Variants in FAM186A observed in about 807,000 individuals in gnomAD.
FAM186A encodes protein FAM186A.
Under a neutral mutation model 216.8 loss-of-function variants are expected in FAM186A, and 163 were observed. The observed-to-expected ratio is 0.75, with a 90% CI of 0.66 to 0.86. The LOEUF (loss-of-function observed/expected upper bound fraction) is 0.86. FAM186A is among the 40% of genes least tolerant of loss of function. The probability of loss-of-function intolerance (pLI) is 0.00; values close to 1 mark genes in which losing one functional copy is unlikely to be tolerated. For missense variants in FAM186A, 2,184 were observed against 2,746.2 expected, an observed-to-expected ratio of 0.80 and a Z score of 4.58; for synonymous variants, 805 against 1,025.3, an observed-to-expected ratio of 0.79 and a Z score of 4.10.
Position 50,351,029 on chromosome 12 carries a change from A to C in FAM186A, c.5803T>G (p.Trp1935Gly). 6.4e-7 allele frequency: 1 copy of C among 1,551,350 alleles called. No individual in the cohort carries two copies. The highest frequency in any genetic ancestry group is 8.7e-7 in the Non-Finnish European group (1 of 1,146,880). The change falls in exon 4 of 8, where the codon TGG becomes GGG. Residue 1935 changes from tryptophan (W) to glycine (G), a missense_variant. Transcript: ENST00000327337. ...PPTSRHPPTL[W>G]PSPAPGKPQK... ...GGCTTTCCAGGGGCTGGGGACGGCC[A>C]TAGTGTGGGAGGATGTCTAGAGGTG... is the stretch of plus-strand genomic sequence containing the variant.
chr12:50,363,492 T>C (rs573634348), intron 1 of FAM186A, 128 bp from the exon 2 acceptor site: 4 of 843,504 alleles, frequency 4.7e-6, no homozygotes, highest in African/African-American at 3.4e-5. Context: ...AATTCTAGCT[T>C]TTATTGTGAG....
rs71083540 is a variant in FAM186A, at chr12:50,348,038, A to ATTTTT, written c.6503+2286_6503+2290dup. Among the ~76,000 whole-genome samples, 55 of 81,358 alleles carry ATTTTT rather than the reference A, an allele frequency of 6.8e-4. 1 individual carries two copies. Among genetic ancestry groups the ATTTTT allele is most frequent in the South Asian group, 8.9e-4 (2 of 2,236 alleles). 53.4% of individuals were successfully genotyped at this position (81,358 alleles called of 152,430 possible). ...CAGGTGTGAGCCACAATGCCTGGTA[A>ATTTTT]TTTTTTTTTTTTTTTTTTTTTTTTG... On this transcript the variant is annotated intron_variant, in intron 4 of 7. Coordinates refer to ENST00000327337, the MANE Select transcript of FAM186A (RefSeq NM_001145475.3).
In FAM186A at chr12:50,350,566, T is replaced by C. The variant is rs1382049445; in HGVS notation, c.6266A>G (p.Lys2089Arg). 5 of 1,551,474 alleles carry C rather than the reference T, an allele frequency of 3.2e-6. No individual in the cohort carries two copies. The African/African-American group carries it at 4.1e-5, about 13-fold the overall frequency. ...LSSVSDTKKP[K>R]VMVPPSSPQE... ...AGGAGAGGAAGGGGGCACCATTACT[T>C]TGGGTTTCTTGGTATCTGAAACTGA... The change falls in exon 4 of 8, where the codon AAA (lysine) becomes AGA (arginine). Residue 2089 changes from lysine (K) to arginine (R), a missense_variant. By Grantham distance (26) the Lys-to-Arg change is conservative. Coordinates refer to ENST00000327337, the MANE Select transcript of FAM186A (RefSeq NM_001145475.3).
rs1167515309 is a variant in FAM186A, at chr12:50,383,249, T to TAAAAAAAAAAAA, written c.192+13032_192+13043dup. 3.9e-4 allele frequency among the ~76,000 whole-genome samples: 4 copies of TAAAAAAAAAAAA among 10,364 alleles called. 1 individual carries two copies. Among genetic ancestry groups the TAAAAAAAAAAAA allele is most frequent in the African/African-American group, 5.6e-4 (4 of 7,186 alleles). The allele number at this position is 10,364 out of a possible 152,430, so 6.8% of individuals were successfully genotyped here. A position where few individuals can be genotyped will look rare whatever the true frequency, so the allele number is the denominator to read the frequency against. On this transcript the variant is annotated intron_variant, in intron 1 of 7. Coordinates refer to ENST00000327337, the MANE Select transcript of FAM186A (RefSeq NM_001145475.3). The stretch of plus-strand genomic sequence containing the variant: ...CTGGGTGACAGAGCAAGACTCCGTC[T>TAAAAAAAAAAAA]AAAAAAAAAAAAAAAAAAAAAAAAA...
chr12:50,327,467 T>C (rs934490446), intron 7 of FAM186A, 63 bp from the exon 8 acceptor site: 75 of 1,283,402 alleles, frequency 5.8e-5, no homozygotes, highest in Admixed American at 4.4e-4. Flanking sequence ...TGTGGGAATA[T>C]AGGTGAGTCA....
At chr12:50,365,748 C>A in intron 1 of FAM186A, 1 of 753,710 alleles carries the variant, frequency 1.3e-6, no homozygotes, top group Non-Finnish European at 2.4e-6. Context: ...TATGTCTTCC[C>A]CTCTTTCCGA....
intron 1 of FAM186A, among the ~76,000 whole-genome samples, chr12:50,369,350 G>C (rs1038827232): frequency 6.6e-6 from 1 of 151,866 alleles, no homozygotes; most frequent in African/African-American, 2.4e-5. Flanking sequence ...AATTAGCCAG[G>C]CATGGTGGTG....
At chr12:50,370,915 G>A (rs920069062) in intron 1 of FAM186A, among the ~76,000 whole-genome samples, 1 of 151,748 alleles carries the variant, frequency 6.6e-6, no homozygotes, top group South Asian at 2.1e-4. Flanking sequence ...TGGCCAACAC[G>A]ATGAAACCTC....
At chr12:50,394,764 G>A (rs1229011258) in intron 1 of FAM186A, among the ~76,000 whole-genome samples, 10 of 45,944 alleles carry the variant, frequency 2.2e-4, no homozygotes, top group African/African-American at 3.6e-4. Context: ...TTTTTTTAGA[G>A]ATAGAGTCCC....
At chr12:50,344,546 C>G (rs1249978670) in intron 4 of FAM186A, among the ~76,000 whole-genome samples, 1 of 152,124 alleles carries the variant, frequency 6.6e-6, no homozygotes, top group Non-Finnish European at 1.5e-5. Context: ...GATTCCATGT[C>G]TTTGTGAATA....
intron 4 of FAM186A, among the ~76,000 whole-genome samples, chr12:50,339,750 ACACAC>A (rs1315411569): frequency 4.6e-5 from 2 of 43,780 alleles, no homozygotes; most frequent in East Asian, 1.1e-3. Context: ...TTACACACAC[ACACAC>A]ACACACACAC....
At chr12:50,349,160 C>T (rs1258913257) in intron 4 of FAM186A, among the ~76,000 whole-genome samples, 2 of 151,892 alleles carry the variant, frequency 1.3e-5, no homozygotes, top group African/African-American at 4.8e-5. Context: ...CATTAACCAT[C>T]CCTACTTTCC....
chr12:50,361,749 T>C (rs1943038081), intron 2 of FAM186A, among the ~76,000 whole-genome samples: 1 of 149,398 alleles, frequency 6.7e-6, no homozygotes, highest in South Asian at 2.1e-4. Flanking sequence ...TTTTGAATTT[T>C]TAGTAGAGAT....
Position 50,371,134 on chromosome 12 carries a change from T to A in FAM186A, c.193-7770A>T, listed in dbSNP as rs1943139036. ...AATTTAATTCAATTTAATTTTTTTT[T>A]TTGAGGCAGAATCTTACTCTGTCAC... On this transcript the variant is annotated intron_variant, in intron 1 of 7. Coordinates refer to ENST00000327337, the MANE Select transcript of FAM186A (RefSeq NM_001145475.3). Among the ~76,000 whole-genome samples the A allele has an allele frequency of 3.3e-5, 5 of 152,178 alleles. No individual in the cohort carries two copies. In the South Asian group the frequency reaches 1.0e-3, roughly 32 times the overall value.
In FAM186A at chr12:50,333,920, T is replaced by C. The variant is rs1163302700; in HGVS notation, c.6687A>G (p.Val2229=). Reference sequence around the variant, plus strand: ...GTGGAAAGCAGGTTACCTGGTTGAATACGTGTATCATTTTCTTCAGGCACT... The same window carrying C: ...GTGGAAAGCAGGTTACCTGGTTGAACACGTGTATCATTTTCTTCAGGCACT... The part of the protein sequence containing the change: ...RNQCLKKMIH[V]FNQLKKIHEL... Residue 2229 remains valine (V), a synonymous_variant, in exon 5 of 8, where the codon GTA becomes GTG. Transcript: ENST00000327337. The C allele has an allele frequency of 1.9e-6, 3 of 1,550,708 alleles. No homozygotes were observed. The highest frequency in any genetic ancestry group is 3.9e-5 in the Admixed American group (2 of 50,658).
Position 50,355,321 on chromosome 12 carries a change from T to A in FAM186A, c.1511A>T (p.Lys504Ile). ...YELQVLKKKR[K>I]EMKSFSEDKS... ...ATCTTCAGAAAAGGATTTCATTTCTTTTCTTTTCTTTTTCAGTACTTGTAG... is the reference window on the plus strand; with the variant it reads ...ATCTTCAGAAAAGGATTTCATTTCTATTCTTTTCTTTTTCAGTACTTGTAG... The change falls in exon 4 of 8, where the codon AAA becomes ATA. Residue 504 changes from lysine (K) to isoleucine (I), a missense_variant. By Grantham distance (102) the Lys-to-Ile change is moderately radical. This residue lies in a region of FAM186A where 1,132 missense variants were observed against 1,263.4 expected (regional missense o/e 0.90). Coordinates refer to ENST00000327337, the MANE Select transcript of FAM186A (RefSeq NM_001145475.3). The A allele has an allele frequency of 6.5e-7, 1 of 1,550,318 alleles. No homozygotes were observed. The highest frequency in any genetic ancestry group is 1.2e-5 in the South Asian group (1 of 83,682).
intron 1 of FAM186A, among the ~76,000 whole-genome samples, chr12:50,377,017 G>T (rs891502223): frequency 5.9e-5 from 9 of 152,044 alleles, no homozygotes; most frequent in Non-Finnish European, 1.3e-4. Flanking sequence ...ATGAGTGCTT[G>T]GGATTATAGG....
At chr12:50,369,632 G>T (rs4348979) in intron 1 of FAM186A, among the ~76,000 whole-genome samples, 96,963 of 151,938 alleles carry the variant, frequency 0.64, 31,542 homozygotes, top group East Asian at 0.74. Flanking sequence ...ATCCACTAAG[G>T]GTTAATATCC....
At chr12:50,379,715 GGCAGAGGTT>G (rs1177872086) in intron 1 of FAM186A, among the ~76,000 whole-genome samples, 6 of 151,910 alleles carry the variant, frequency 3.9e-5, no homozygotes, top group Non-Finnish European at 8.8e-5. Flanking sequence ...GAACCCGGGA[GGCAGAGGTT>G]GCAGTGAGCC....
Sources: allele counts gnomAD v4.1 joint callset (sites outside exome capture counted in the v4.1 genomes callset), GRCh38; gene constraint gnomAD v4.1.1; regional missense constraint gnomAD v4.1.1; transcripts MANE v1.5; gene names NCBI Gene and HGNC (gene_info 2026-07-23, HGNC 2026-07-21).